Variants in TBL1X observed in about 807,000 individuals in gnomAD.
TBL1X encodes F-box-like/WD repeat-containing protein TBL1X.
TBL1X carries 10 observed loss-of-function variants against 50.7 expected under a neutral mutation model. The ratio of observed to expected loss-of-function variants is 0.20; its 90% confidence interval spans 0.12 to 0.33. TBL1X has a LOEUF of 0.33. Among genes scored for constraint, TBL1X ranks in the 10% least tolerant of loss-of-function variants. The pLI is 1.00. For missense variants in TBL1X, 340 were observed against 504.4 expected, an observed-to-expected ratio of 0.67 and a Z score of 3.12; for synonymous variants, 190 against 214.7, an observed-to-expected ratio of 0.88 and a Z score of 1.01.
chrX:9,672,065 T>G (rs907349339), intron 5 of TBL1X, among the ~76,000 whole-genome samples: 3 of 112,703 alleles, frequency 2.7e-5, no homozygotes, highest in African/African-American at 9.7e-5. Flanking sequence ...GTTGAGTATT[T>G]ATAAATTACA....
At chrX:9,644,706 A>C (rs954597634) in intron 3 of TBL1X, 9 of 108,876 alleles carry the variant, frequency 8.3e-5, no homozygotes, top group African/African-American at 3.1e-4. Flanking sequence ...TCCTGGCTGC[A>C]GTGCAGTGGC....
chrX:9,657,286 G>A (rs1601820681), intron 5 of TBL1X, among the ~76,000 whole-genome samples: 2 of 112,431 alleles, frequency 1.8e-5, no homozygotes, highest in East Asian at 5.6e-4. Flanking sequence ...CCACCTTCCA[G>A]GTACAGTGAC....
chrX:9,607,472 A>G (rs73632603), intron 2 of TBL1X, among the ~76,000 whole-genome samples: 10,008 of 112,174 alleles, frequency 0.089, 420 homozygotes, highest in Middle Eastern at 0.13. Context: ...TGGGGCCCCC[A>G]GGGTCCAAAG....
chrX:9,556,561 G>C (rs1187829625), intron 2 of TBL1X, among the ~76,000 whole-genome samples: 1 of 109,991 alleles, frequency 9.1e-6, no homozygotes, highest in Non-Finnish European at 1.9e-5. Context: ...GGCTGAGGTG[G>C]GAGGATCACT....
chrX:9,628,926 G>T (rs1463558427), intron 2 of TBL1X, among the ~76,000 whole-genome samples: 1 of 112,262 alleles, frequency 8.9e-6, no homozygotes, highest in Non-Finnish European at 1.9e-5. Flanking sequence ...TTGCATGACT[G>T]CCCCAAAGAC....
intron 2 of TBL1X, among the ~76,000 whole-genome samples, chrX:9,549,811 A>C (rs1208253711): frequency 1.8e-5 from 2 of 111,397 alleles, no homozygotes; most frequent in African/African-American, 6.5e-5. Flanking sequence ...CGGGGATAGG[A>C]GGGCTGGGGG....
chrX:9,566,052 T>G (rs1247786973), intron 2 of TBL1X, among the ~76,000 whole-genome samples: 1 of 112,095 alleles, frequency 8.9e-6, no homozygotes, highest in Non-Finnish European at 1.9e-5. Flanking sequence ...CTAAAAGTGG[T>G]TTGGAAAGTG....
chrX:9,490,222 C>G (rs1304284102), intron 1 of TBL1X, among the ~76,000 whole-genome samples: 2 of 111,608 alleles, frequency 1.8e-5, no homozygotes, highest in East Asian at 5.6e-4. Context: ...CCTCCCACCT[C>G]GGCCTCCCAA....
At chrX:9,567,375 A>G (rs2082356766) in intron 2 of TBL1X, among the ~76,000 whole-genome samples, 1 of 111,087 alleles carries the variant, frequency 9.0e-6, no homozygotes, top group Non-Finnish European at 1.9e-5. Flanking sequence ...CCGCCACTGC[A>G]GCTGTTCTTG....
intron 2 of TBL1X, among the ~76,000 whole-genome samples, chrX:9,572,970 T>G (rs1238019666): frequency 8.9e-6 from 1 of 112,726 alleles, no homozygotes; most frequent in Middle Eastern, 4.6e-3. Flanking sequence ...GCAGTACACA[T>G]TCTCCCAAAG....
chrX:9,602,829 A>G (rs1003297726), intron 2 of TBL1X, among the ~76,000 whole-genome samples: 3 of 112,639 alleles, frequency 2.7e-5, no homozygotes, highest in South Asian at 7.4e-4. Context: ...GAAAGTCTCA[A>G]TGATTTTAAG....
intron 1 of TBL1X, among the ~76,000 whole-genome samples, chrX:9,488,239 A>G (rs1166662398): frequency 8.9e-6 from 1 of 112,244 alleles, no homozygotes; most frequent in Non-Finnish European, 1.9e-5. Context: ...AAAAACTATT[A>G]TCTTACGGTT....
At chrX:9,503,383 T>TC (rs2082010904) in intron 2 of TBL1X, among the ~76,000 whole-genome samples, 1 of 113,090 alleles carries the variant, frequency 8.8e-6, no homozygotes, top group Non-Finnish European at 1.9e-5. Flanking sequence ...TCTTACAGCC[T>TC]CTCAGCTGGA....
chrX:9,506,466 C>G (rs189678100), intron 2 of TBL1X, among the ~76,000 whole-genome samples: 4 of 110,861 alleles, frequency 3.6e-5, no homozygotes, highest in African/African-American at 1.3e-4. Context: ...GAATCGAAGG[C>G]GATAGAGACG....
chrX:9,552,948 G>T (rs1279895852), intron 2 of TBL1X, among the ~76,000 whole-genome samples: 1 of 111,506 alleles, frequency 9.0e-6, no homozygotes, highest in Non-Finnish European at 1.9e-5. Flanking sequence ...TTCAAGGCCA[G>T]CCTGGGCAAC....
At chrX:9,590,067 A>C (rs1480944936) in intron 2 of TBL1X, among the ~76,000 whole-genome samples, 2 of 111,790 alleles carry the variant, frequency 1.8e-5, no homozygotes, top group East Asian at 5.6e-4. Flanking sequence ...TGCTCCTCCA[A>C]AGCATTAAGA....
chrX:9,670,576 T>A (rs2082955236), intron 5 of TBL1X, among the ~76,000 whole-genome samples: 1 of 112,291 alleles, frequency 8.9e-6, no homozygotes, highest in Admixed American at 9.4e-5. Context: ...GTTACATTAC[T>A]CTTAATATTT....
In TBL1X at chrX:9,718,171, G is replaced by A. The variant is rs950403942; in HGVS notation, c.*1925G>A. 1.8e-5 allele frequency: 2 copies of A among 111,024 alleles called. No homozygotes were observed. Among genetic ancestry groups the A allele is most frequent in the African/African-American group, 6.6e-5 (2 of 30,494 alleles). The allele number at this position is 111,024 out of a possible 1,213,427, so 9.1% of individuals were successfully genotyped here. A position where few individuals can be genotyped will look rare whatever the true frequency, so the allele number is the denominator to read the frequency against. Reference sequence around the variant, plus strand: ...GTGGGTAGGGTGCAATCTGGTGTGTGTTCCAGCAGTGAGACGGTGTTATTG... The same window carrying A: ...GTGGGTAGGGTGCAATCTGGTGTGTATTCCAGCAGTGAGACGGTGTTATTG... On this transcript the variant is annotated 3_prime_UTR_variant, in exon 18 of 18. Coordinates refer to ENST00000645353, the MANE Select transcript of TBL1X (RefSeq NM_005647.4).
At chrX:9,655,351 G>T (rs2082859307) in intron 5 of TBL1X, among the ~76,000 whole-genome samples, 1 of 111,068 alleles carries the variant, frequency 9.0e-6, no homozygotes, top group African/African-American at 3.3e-5. Context: ...GAACTCCTTG[G>T]CTCGTAGGCA....
Sources: gnomAD v4.1 joint callset for allele counts (sites outside exome capture counted in the v4.1 genomes callset) on GRCh38, gnomAD v4.1.1 for gene constraint, MANE v1.5 for transcripts, NCBI Gene and HGNC (gene_info 2026-07-23, HGNC 2026-07-21) for gene names.